CSMD1: variants seen among roughly 807,000 people sequenced by gnomAD.
CSMD1 encodes CUB and Sushi multiple domains 1.
In CSMD1, 213 loss-of-function variants were observed where a neutral mutation model predicts 417.5. The observed-to-expected ratio is 0.51, with a 90% CI of 0.46 to 0.57. The LOEUF (loss-of-function observed/expected upper bound fraction) is 0.57. Ranked by LOEUF, CSMD1 falls within the 20% of genes least tolerant of loss-of-function variation. CSMD1 has a pLI of 0.00. For missense variants in CSMD1, 6,923 were observed against 4,529.7 expected (o/e 1.53, Z -15.17); for synonymous variants, 2,862 against 1,736.8 (o/e 1.65, Z -16.11).
intron 1 of CSMD1, among the ~76,000 whole-genome samples, chr8:4,909,143 G>T (rs1046120561): frequency 3.3e-5 from 5 of 152,162 alleles, no homozygotes; most frequent in Admixed American, 2.0e-4. Flanking sequence ...TTTCTTCTCA[G>T]AGAGGACTGT....
At chr8:3,703,750 T>G (rs1400298746) in intron 7 of CSMD1, among the ~76,000 whole-genome samples, 1 of 152,110 alleles carries the variant, frequency 6.6e-6, no homozygotes, top group Non-Finnish European at 1.5e-5. Flanking sequence ...GTTTTAAATC[T>G]ATGGCCAGCT....
intron 5 of CSMD1, among the ~76,000 whole-genome samples, chr8:3,986,197 G>C (rs942006641): frequency 1.1e-4 from 16 of 151,942 alleles, no homozygotes; most frequent in Admixed American, 6.6e-5. Context: ...GCTGCCCCTC[G>C]GTCCTGAGAT....
intron 5 of CSMD1, among the ~76,000 whole-genome samples, chr8:3,788,941 C>T (rs1032856595): frequency 6.6e-6 from 1 of 152,148 alleles, no homozygotes; most frequent in Non-Finnish European, 1.5e-5. Context: ...ATTTCCTAGA[C>T]AGTATTGTAG....
At chr8:3,790,237 G>A (rs760831769) in intron 5 of CSMD1, among the ~76,000 whole-genome samples, 1 of 152,128 alleles carries the variant, frequency 6.6e-6, no homozygotes, top group Non-Finnish European at 1.5e-5. Context: ...CTTTATCAGG[G>A]AAGAGTGCAT....
intron 26 of CSMD1, among the ~76,000 whole-genome samples, chr8:3,270,203 C>G (rs1801738460): frequency 6.6e-6 from 1 of 152,028 alleles, no homozygotes; most frequent in Non-Finnish European, 1.5e-5. Flanking sequence ...GCACATGCCA[C>G]CATGCCTTGC....
Position 3,230,205 on chromosome 8 carries a change from G to C in CSMD1, c.4180C>G (p.Pro1394Ala), listed in dbSNP as rs1473917098. Residue 1394 changes from proline (P) to alanine (A), a missense_variant, in exon 27 of 70, where the codon CCA becomes GCA. By Grantham distance (27) the Pro-to-Ala change is conservative. Coordinates refer to ENST00000635120, the MANE Select transcript of CSMD1 (RefSeq NM_033225.6). Reference sequence around the variant, plus strand: ...CGGGTGCCATTTTGGGGCATACCTGGATCGTTACAGGTGGCTGCAATTGAG... The same window carrying C: ...CGGGTGCCATTTTGGGGCATACCTGCATCGTTACAGGTGGCTGCAATTGAG... ...STSIAATCND[P>A]GMPQNGTRYG... 2 of 1,606,330 alleles carry C rather than the reference G, an allele frequency of 1.2e-6. No homozygotes were observed. The highest frequency in any genetic ancestry group is 1.7e-6 in the Non-Finnish European group (2 of 1,176,164).
At chr8:3,736,904 A>C (rs1376612983) in intron 6 of CSMD1, among the ~76,000 whole-genome samples, 1 of 152,212 alleles carries the variant, frequency 6.6e-6, no homozygotes, top group Non-Finnish European at 1.5e-5. Context: ...TGTGCATCCT[A>C]CTAGAACATT....
chr8:4,200,784 G>A (rs879553336), intron 3 of CSMD1, among the ~76,000 whole-genome samples: 4 of 152,174 alleles, frequency 2.6e-5, no homozygotes, highest in South Asian at 2.1e-4. Context: ...ATTTGTTAAT[G>A]GAGACGGAGG....
chr8:3,584,942 A>G (rs533644013), intron 9 of CSMD1, among the ~76,000 whole-genome samples: 12 of 152,260 alleles, frequency 7.9e-5, no homozygotes, highest in African/African-American at 2.2e-4. Context: ...AAAATGCACA[A>G]TCAAAGTTGT....
chr8:3,723,462 T>G (rs2129045197), intron 6 of CSMD1, among the ~76,000 whole-genome samples: 1 of 152,322 alleles, frequency 6.6e-6, no homozygotes, highest in African/African-American at 2.4e-5. Context: ...CATGGGAAAC[T>G]ACCTTAGGAT....
At position 2,938,466 on chromosome 8, in the gene CSMD1, G is replaced by T; in HGVS notation, c.*119C>A. 1 of 950,008 alleles carries T rather than the reference G, an allele frequency of 1.1e-6. No homozygotes were observed. Among genetic ancestry groups the T allele is most frequent in the South Asian group, 1.8e-5 (1 of 56,388 alleles). The allele number at this position is 950,008 out of a possible 1,614,324, so 58.8% of individuals were successfully genotyped here. ...CCGCTGCACTTATGCCAGTAGACAA[G>T]GTTGAAGATCGCTGCAGTAAAGCCA... is the stretch of plus-strand genomic sequence containing the variant. On this transcript the variant is annotated 3_prime_UTR_variant, in exon 70 of 70. Transcript: ENST00000635120.
chr8:4,839,540 A>T (rs2116766907), intron 1 of CSMD1, among the ~76,000 whole-genome samples: 1 of 152,292 alleles, frequency 6.6e-6, no homozygotes, highest in East Asian at 1.9e-4. Flanking sequence ...TTCTTTTTCC[A>T]CAAGAATGGA....
At chr8:3,800,519 T>A (rs1585018920) in intron 5 of CSMD1, among the ~76,000 whole-genome samples, 1 of 151,982 alleles carries the variant, frequency 6.6e-6, no homozygotes, top group Non-Finnish European at 1.5e-5. Context: ...TACAGAAAAA[T>A]TATCTCAAAG....
intron 3 of CSMD1, among the ~76,000 whole-genome samples, chr8:4,186,924 A>G (rs1798712692): frequency 6.6e-6 from 1 of 152,082 alleles, no homozygotes; most frequent in Non-Finnish European, 1.5e-5. Flanking sequence ...TGAACCCACG[A>G]GGCAGAGATT....
chr8:4,531,710 C>A (rs1451930532), intron 2 of CSMD1, among the ~76,000 whole-genome samples: 1 of 152,160 alleles, frequency 6.6e-6, no homozygotes, highest in African/African-American at 2.4e-5. Context: ...TTTGTAATAA[C>A]AGCTTTGAGA....
At chr8:4,735,778 G>C (rs963439128) in intron 1 of CSMD1, among the ~76,000 whole-genome samples, 2 of 152,120 alleles carry the variant, frequency 1.3e-5, no homozygotes, top group African/African-American at 4.8e-5. Flanking sequence ...CCGAGGATTT[G>C]AATTTTAGAG....
At chr8:4,112,619 C>G (rs1041792201) in intron 3 of CSMD1, among the ~76,000 whole-genome samples, 1 of 152,160 alleles carries the variant, frequency 6.6e-6, no homozygotes, top group Non-Finnish European at 1.5e-5. Flanking sequence ...TGGTTCTCAG[C>G]AAGCAGGGAC....
intron 57 of CSMD1, among the ~76,000 whole-genome samples, chr8:2,970,804 G>T (rs547420795): frequency 1.3e-5 from 2 of 152,152 alleles, no homozygotes; most frequent in African/African-American, 2.4e-5. Context: ...TGTTAAATGG[G>T]ATTTGACAGA....
intron 5 of CSMD1, among the ~76,000 whole-genome samples, chr8:3,904,809 G>T (rs1341771829): frequency 1.2e-4 from 18 of 151,696 alleles, no homozygotes; most frequent in Admixed American, 1.1e-3. Context: ...GGTAATTTTT[G>T]TATTTTTAGT....
Sources: allele counts gnomAD v4.1 joint callset (sites outside exome capture counted in the v4.1 genomes callset), GRCh38; gene constraint gnomAD v4.1.1; transcripts MANE v1.5; gene names NCBI Gene and HGNC (gene_info 2026-07-23, HGNC 2026-07-21).